MAML3: variants seen among roughly 807,000 people sequenced by gnomAD.
MAML3 encodes the protein mastermind like transcriptional coactivator 3, also known as mastermind-like protein 3.
A neutral mutation model predicts 101.9 loss-of-function variants in MAML3; 27 were observed. The ratio of observed to expected loss-of-function variants is 0.27; its 90% CI spans 0.20 to 0.37. The LOEUF is 0.37. Ranked by LOEUF, MAML3 falls within the 10% of genes least tolerant of loss-of-function variation. The pLI is 1.00. For missense variants in MAML3, 1,316 were observed against 1,444.9 expected, an observed-to-expected ratio of 0.91 and a Z score of 1.45; for synonymous variants, 501 against 555.9, an observed-to-expected ratio of 0.90 and a Z score of 1.39.
Position 140,153,150 on chromosome 4 carries a change from G to GGCCCCCGGA in MAML3, c.169_177dup (p.Ser57_Gly59dup). 6.5e-7 allele frequency: 1 copy of GGCCCCCGGA among 1,550,264 alleles called. No homozygotes were observed. Among genetic ancestry groups the GGCCCCCGGA allele is most frequent in the Non-Finnish European group, 8.7e-7 (1 of 1,146,854 alleles). On this transcript the variant is annotated inframe_insertion, in exon 1 of 5. Coordinates refer to ENST00000509479, the MANE Select transcript of MAML3 (RefSeq NM_018717.5). The stretch of plus-strand genomic sequence containing the variant: ...GGAACGGCCGCCGAACCGCCGCCGG[G>GGCCCCCGGA]GCCCCCGGAGCCGCCGCATCCACCG...
chr4:140,004,979 T>C (rs1185306825), intron 1 of MAML3, among the ~76,000 whole-genome samples: 1 of 152,142 alleles, frequency 6.6e-6, no homozygotes, highest in East Asian at 1.9e-4. Flanking sequence ...TGAAACAAAA[T>C]AATCAGGAAG....
intron 1 of MAML3, among the ~76,000 whole-genome samples, chr4:139,934,051 G>A (rs1733457379): frequency 6.6e-6 from 1 of 152,150 alleles, no homozygotes; most frequent in African/African-American, 2.4e-5. Flanking sequence ...GTGACACTAA[G>A]TGTGTGAATT....
intron 1 of MAML3, among the ~76,000 whole-genome samples, chr4:139,968,805 T>G (rs1262780953): frequency 6.6e-6 from 1 of 152,036 alleles, no homozygotes; most frequent in Non-Finnish European, 1.5e-5. Context: ...ATGCCTTCAT[T>G]TGCACACACT....
intron 1 of MAML3, among the ~76,000 whole-genome samples, chr4:140,110,421 G>A (rs570467652): frequency 9.2e-5 from 14 of 152,072 alleles, no homozygotes; most frequent in Non-Finnish European, 1.5e-4. Context: ...TTTCCTTCAC[G>A]CTCTAATAAT....
intron 2 of MAML3, among the ~76,000 whole-genome samples, chr4:139,811,077 G>A (rs1456943442): frequency 6.6e-6 from 1 of 152,208 alleles, no homozygotes; most frequent in Admixed American, 6.5e-5. Flanking sequence ...AAGACAGAAG[G>A]AGATATGAAA....
chr4:139,757,360 C>A (rs570187649), intron 2 of MAML3, among the ~76,000 whole-genome samples: 3 of 152,202 alleles, frequency 2.0e-5, no homozygotes, highest in East Asian at 3.9e-4. Flanking sequence ...GGTAAGAATC[C>A]TATTCCTGGC....
At chr4:139,975,636 G>A (rs1421106147) in intron 1 of MAML3, among the ~76,000 whole-genome samples, 1 of 152,118 alleles carries the variant, frequency 6.6e-6, no homozygotes, top group Non-Finnish European at 1.5e-5. Context: ...ATTCACTGCT[G>A]TATGTCTCAA....
chr4:140,000,566 A>G (rs564165670), intron 1 of MAML3, among the ~76,000 whole-genome samples: 62 of 152,190 alleles, frequency 4.1e-4, no homozygotes, highest in Non-Finnish European at 7.5e-4. Context: ...CTCTACTTAC[A>G]TCAAAACCAA....
intron 4 of MAML3, among the ~76,000 whole-genome samples, chr4:139,723,692 A>T (rs1728352454): frequency 6.6e-6 from 1 of 152,194 alleles, no homozygotes; most frequent in Non-Finnish European, 1.5e-5. Context: ...GGGAATTATT[A>T]AATAATTCCC....
At chr4:139,738,560 A>C (rs1418751652) in intron 2 of MAML3, among the ~76,000 whole-genome samples, 1 of 152,190 alleles carries the variant, frequency 6.6e-6, no homozygotes, top group Admixed American at 6.5e-5. Context: ...AACAAAAAAA[A>C]GGTCTTGGTC....
At chr4:139,792,255 T>A (rs1215887897) in intron 2 of MAML3, among the ~76,000 whole-genome samples, 3 of 152,148 alleles carry the variant, frequency 2.0e-5, no homozygotes, top group Admixed American at 1.3e-4. Context: ...ATCTAAGAGA[T>A]CTGAGAAGTC....
chr4:139,880,369 G>A (rs898114096), intron 2 of MAML3, among the ~76,000 whole-genome samples: 1 of 152,008 alleles, frequency 6.6e-6, no homozygotes, highest in African/African-American at 2.4e-5. Flanking sequence ...CTGCACTTAA[G>A]ATCTGGATTT....
At chr4:139,759,813 G>A (rs951392602) in intron 2 of MAML3, among the ~76,000 whole-genome samples, 1 of 152,232 alleles carries the variant, frequency 6.6e-6, no homozygotes, top group Non-Finnish European at 1.5e-5. Flanking sequence ...AATGAACCAT[G>A]AAGAGAAGCA....
intron 1 of MAML3, among the ~76,000 whole-genome samples, chr4:140,129,692 C>T (rs899778615): frequency 1.3e-5 from 2 of 152,106 alleles, no homozygotes; most frequent in African/African-American, 4.8e-5. Flanking sequence ...AACGGCCGGG[C>T]GCGGTGGCTC....
chr4:140,054,333 C>T (rs951375203), intron 1 of MAML3, among the ~76,000 whole-genome samples: 2 of 141,256 alleles, frequency 1.4e-5, no homozygotes, highest in Non-Finnish European at 3.0e-5. Context: ...TGCACCACTG[C>T]ACTGCGACCT....
chr4:139,995,388 T>C (rs1286076650), intron 1 of MAML3, among the ~76,000 whole-genome samples: 1 of 152,204 alleles, frequency 6.6e-6, no homozygotes, highest in East Asian at 1.9e-4. Context: ...TTCAGAAGTG[T>C]TCCCTTCTCT....
intron 2 of MAML3, among the ~76,000 whole-genome samples, chr4:139,832,248 G>C (rs1249906585): frequency 2.0e-5 from 3 of 151,458 alleles, no homozygotes; most frequent in Non-Finnish European, 1.5e-5. Flanking sequence ...AAGATTACAG[G>C]CGTGTGCCAC....
chr4:140,059,695 G>C (rs1225859810), intron 1 of MAML3, among the ~76,000 whole-genome samples: 1 of 152,198 alleles, frequency 6.6e-6, no homozygotes, highest in Non-Finnish European at 1.5e-5. Context: ...TCCTCACTGA[G>C]AGGAGGCTGG....
chr4:139,863,879 G>T (rs1206233696), intron 2 of MAML3, among the ~76,000 whole-genome samples: 3 of 129,498 alleles, frequency 2.3e-5, no homozygotes, highest in Non-Finnish European at 4.8e-5. Flanking sequence ...CTTGACATGG[G>T]AGGGGAATAT....
Sources: gnomAD v4.1 joint callset for allele counts (sites outside exome capture counted in the v4.1 genomes callset) on GRCh38, gnomAD v4.1.1 for gene constraint, MANE v1.5 for transcripts, NCBI Gene and HGNC (gene_info 2026-07-23, HGNC 2026-07-21) for gene names.